DARS2: variants seen among roughly 807,000 people sequenced by gnomAD.
DARS2 encodes the protein aspartyl-tRNA synthetase 2, mitochondrial.
DARS2 carries 63 observed loss-of-function variants against 83.0 expected under a neutral mutation model. The ratio of observed to expected loss-of-function variants is 0.76; its 90% CI spans 0.62 to 0.94. The LOEUF (loss-of-function observed/expected upper bound fraction) is 0.94. Ranked by LOEUF, DARS2 falls within the 40% of genes least tolerant of loss-of-function variation. The pLI is 0.00. For missense variants in DARS2, 675 were observed against 774.4 expected (o/e 0.87, Z 1.52); for synonymous variants, 250 against 269.3 (o/e 0.93, Z 0.70).
At chr1:173,829,663 C>T (rs973411101) in intron 3 of DARS2, among the ~76,000 whole-genome samples, 1 of 151,724 alleles carries the variant, frequency 6.6e-6, no homozygotes, top group Non-Finnish European at 1.5e-5. Context: ...AATCCCAGCA[C>T]TTTTGGGAGG....
chr1:173,834,199 TA>T (rs1171302396), intron 6 of DARS2, among the ~76,000 whole-genome samples: 1 of 152,212 alleles, frequency 6.6e-6, no homozygotes, highest in Non-Finnish European at 1.5e-5. Flanking sequence ...ACAGAACATT[TA>T]AAAAATCAGA....
chr1:173,845,212 G>T lies in DARS2; in HGVS notation c.1129-17G>T, dbSNP rs1443362607. Reference sequence around the variant, plus strand: ...AGTGTCATACTGACAAGTTTACTTTGATTTTTCTTTCATCAGAAATACTTA... The same window carrying T: ...AGTGTCATACTGACAAGTTTACTTTTATTTTTCTTTCATCAGAAATACTTA... On this transcript the variant is annotated splice_polypyrimidine_tract_variant and intron_variant, in intron 11 of 16. Coordinates refer to ENST00000649689, the MANE Select transcript of DARS2 (RefSeq NM_018122.5). 6.5e-7 allele frequency: 1 copy of T among 1,528,378 alleles called. No individual in the cohort carries two copies. The highest frequency in any genetic ancestry group is 1.1e-5 in the South Asian group (1 of 89,170). The allele number at this position is 1,528,378 out of a possible 1,614,324, so 94.7% of individuals were successfully genotyped here.
intron 3 of DARS2, among the ~76,000 whole-genome samples, chr1:173,828,911 G>A (rs1329556557): frequency 6.6e-6 from 1 of 152,016 alleles, no homozygotes; most frequent in East Asian, 1.9e-4. Flanking sequence ...ATATGTACAA[G>A]GATATTCATT....
chr1:173,837,272 TA>T lies in DARS2; in HGVS notation c.770+242del, dbSNP rs372381381. 0.013 allele frequency among the ~76,000 whole-genome samples: 1,818 copies of T among 135,326 alleles called. 13 individuals carry two copies. Among genetic ancestry groups the T allele is most frequent in the African/African-American group, 0.028 (1,043 of 37,704 alleles). 88.8% of individuals were successfully genotyped at this position (135,326 alleles called of 152,430 possible). A position where few individuals can be genotyped will look rare whatever the true frequency, so the allele number is the denominator to read the frequency against. ...ATGGTAGTAGATGTGAGAGGGGATT[TA>T]AAAAAAAAAAAAAAAGAATAGGTTC... On this transcript the variant is annotated intron_variant, in intron 8 of 16. Transcript: ENST00000649689.
At chr1:173,829,188 T>C (rs1373102796) in intron 3 of DARS2, among the ~76,000 whole-genome samples, 1 of 150,092 alleles carries the variant, frequency 6.7e-6, no homozygotes, top group Non-Finnish European at 1.5e-5. Context: ...GGGGGAAGGA[T>C]GCAGAATATA....
intron 8 of DARS2, among the ~76,000 whole-genome samples, chr1:173,837,581 A>G (rs1653050751): frequency 6.6e-6 from 1 of 152,194 alleles, no homozygotes; most frequent in Admixed American, 6.5e-5. Context: ...AAGAGTATAT[A>G]TGAAGAAGCA....
In DARS2 at chr1:173,839,555, C is replaced by G. The variant is rs765133282; in HGVS notation, c.1020+9C>G. The G allele has an allele frequency of 1.2e-6, 2 of 1,613,536 alleles. No individual in the cohort carries two copies. The highest frequency in any genetic ancestry group is 2.2e-5 in the South Asian group (2 of 91,070). On this transcript the variant is annotated intron_variant, in intron 10 of 16. Transcript: ENST00000649689. ...CTCGCTTTGGAATGAAGGTACTTAT[C>G]TTCACTTTTCTAGGACTCTGTCCCC...
rs1021586682 is a variant in DARS2, at chr1:173,853,422, C to G, written c.1418C>G (p.Pro473Arg). 6 of 1,614,056 alleles carry G rather than the reference C, an allele frequency of 3.7e-6. No individual in the cohort carries two copies. The highest frequency in any genetic ancestry group is 5.1e-6 in the Non-Finnish European group (6 of 1,180,028). ...LETRGVVLRD[P>R]TLFSFLWVVD... ...ACAAGAGGAGTGGTGCTCCGTGACC[C>G]CACTCTGTTCTCTTTCCTTTGGGTG... is the stretch of plus-strand genomic sequence containing the variant. Residue 473 changes from proline (P) to arginine (R), a missense_variant, in exon 14 of 17, where the codon CCC (proline) becomes CGC (arginine). Coordinates refer to ENST00000649689, the MANE Select transcript of DARS2 (RefSeq NM_018122.5).
chr1:173,827,885 G>C (rs1453056572), intron 2 of DARS2, among the ~76,000 whole-genome samples: 1 of 152,026 alleles, frequency 6.6e-6, no homozygotes, highest in Non-Finnish European at 1.5e-5. Context: ...AGACTATATT[G>C]CTATATTTCA....
intron 1 of DARS2, among the ~76,000 whole-genome samples, 181 bp downstream of exon 1, chr1:173,825,537 C>G (rs1652479303): frequency 6.6e-6 from 1 of 151,560 alleles, no homozygotes; most frequent in South Asian, 2.1e-4. Context: ...GGCGCGATCT[C>G]CGCTCACTGC....
At chr1:173,852,308 C>G in intron 13 of DARS2, 2 of 898,692 alleles carry the variant, frequency 2.2e-6, no homozygotes, top group Non-Finnish European at 2.7e-6. Context: ...CCGTTCTAAG[C>G]ACTTTGTATA....
chr1:173,850,468 C>T lies in DARS2; in HGVS notation c.1333C>T (p.His445Tyr), dbSNP rs1044443298. Residue 445 changes from histidine to tyrosine, a missense_variant, in exon 13 of 17, where the codon CAC becomes TAC. His to Tyr is a moderately conservative substitution (Grantham distance 83). Transcript: ENST00000649689. Reference protein sequence around the residue: ...EDVVLLTAGEHNKACSLLGKL... With the variant: ...EDVVLLTAGEYNKACSLLGKL... ...TGTGGTCCTACTAACTGCTGGAGAGCACAATAAAGCAGTAAGAAAAATTAC... is the reference window on the plus strand; with the variant it reads ...TGTGGTCCTACTAACTGCTGGAGAGTACAATAAAGCAGTAAGAAAAATTAC... The T allele has an allele frequency of 3.7e-6, 6 of 1,613,668 alleles. No individual in the cohort carries two copies. Among genetic ancestry groups the T allele is most frequent in the African/African-American group, 1.3e-5 (1 of 74,872 alleles).
chr1:173,840,723 C>A (rs192923257), intron 10 of DARS2, 143 bp from the exon 11 acceptor site: 2 of 650,308 alleles, frequency 3.1e-6, no homozygotes, highest in African/African-American at 1.8e-5. Flanking sequence ...TATTGCTTAA[C>A]CCATGGTAAA....
In DARS2 at chr1:173,853,393, A is replaced by G. The variant is rs1164020259; in HGVS notation, c.1389A>G (p.Leu463=). 2.5e-6 allele frequency: 4 copies of G among 1,613,912 alleles called. No individual in the cohort carries two copies. The African/African-American group carries it at 4.0e-5, about 16-fold the overall frequency. The change falls in exon 14 of 17, where the codon CTA becomes CTG. Residue 463 remains leucine (L), a synonymous_variant. Transcript: ENST00000649689. ...GKLRLECADL[L]ETRGVVLRDP... ...TACGACTGGAATGTGCTGACCTTCT[A>G]GAAACAAGAGGAGTGGTGCTCCGTG...
intron 16 of DARS2, among the ~76,000 whole-genome samples, chr1:173,857,160 A>G (rs1363213961): frequency 1.3e-5 from 2 of 152,118 alleles, no homozygotes; most frequent in African/African-American, 2.4e-5. Flanking sequence ...TAGGAAGCTC[A>G]CCTAGATTGT....
In DARS2 at chr1:173,845,283, T is replaced by G; in HGVS notation, c.1183T>G (p.Phe395Val). 6.2e-7 allele frequency: 1 copy of G among 1,609,912 alleles called. No individual in the cohort carries two copies. The highest frequency in any genetic ancestry group is 1.1e-5 in the South Asian group (1 of 90,980). The change falls in exon 12 of 17, where the codon TTT (phenylalanine) becomes GTT (valine). Residue 395 changes from phenylalanine to valine, a missense_variant. By Grantham distance (50) the Phe-to-Val change is conservative (BLOSUM62 -1). Coordinates refer to ENST00000649689, the MANE Select transcript of DARS2 (RefSeq NM_018122.5). ...CATTAGAAACTTTGCAGCTGACCAT[T>G]TTAATCAGGTAAGGAGTTAATTAGA... ...ESIRNFAADH[F>V]NQEILPVFLN... is the part of the protein sequence containing the mutation.
At chr1:173,854,995 A>C (rs192264558) in intron 15 of DARS2, among the ~76,000 whole-genome samples, 3 of 152,298 alleles carry the variant, frequency 2.0e-5, no homozygotes, top group Admixed American at 2.0e-4. Context: ...TTGTGGGATT[A>C]ACTGACAAGT....
chr1:173,843,587 A>T (rs142949539), intron 11 of DARS2, among the ~76,000 whole-genome samples: 1 of 152,308 alleles, frequency 6.6e-6, no homozygotes, highest in African/African-American at 2.4e-5. Context: ...AACATGAACA[A>T]TCCTCACAGG....
At chr1:173,837,121 C>A in intron 8 of DARS2, 75 bp downstream of exon 8, 1 of 1,295,116 alleles carries the variant, frequency 7.7e-7, no homozygotes, top group South Asian at 1.2e-5. Flanking sequence ...AACACAAAAT[C>A]CTCTCTGTTC....
Sources: allele counts gnomAD v4.1 joint callset (sites outside exome capture counted in the v4.1 genomes callset), GRCh38; gene constraint gnomAD v4.1.1; transcripts MANE v1.5; gene names NCBI Gene and HGNC (gene_info 2026-07-23, HGNC 2026-07-21).